SLCO1A2: variants seen among roughly 807,000 people sequenced by gnomAD.
SLCO1A2 encodes OATP-1.
SLCO1A2 carries 67 observed loss-of-function variants against 69.0 expected under a neutral mutation model. The observed-to-expected ratio is 0.97, with a 90% CI of 0.80 to 1.19. The LOEUF (loss-of-function observed/expected upper bound fraction) is 1.19, where lower values mean the gene tolerates loss of function less well. Among genes scored for constraint, SLCO1A2 ranks in the 50% most tolerant of loss-of-function variants. The pLI is 0.00. For synonymous variants in SLCO1A2, 260 were observed against 265.9 expected, an observed-to-expected ratio of 0.98 and a Z score of 0.22; for missense variants, 787 against 793.7, an observed-to-expected ratio of 0.99 and a Z score of 0.10.
At chr12:21,391,736 A>C (rs923112101) in intron 1 of SLCO1A2, among the ~76,000 whole-genome samples, 2 of 151,144 alleles carry the variant, frequency 1.3e-5, no homozygotes, top group African/African-American at 4.9e-5. Flanking sequence ...GTTGACATTC[A>C]AAAGAAAAAA....
intron 2 of SLCO1A2, chr12:21,373,140 A>G: frequency 1.7e-6 from 1 of 588,434 alleles, no homozygotes; most frequent in Non-Finnish European, 3.0e-6. Context: ...TGCTTAGAGA[A>G]GGAAATTGGG....
chr12:21,304,635 T>C, intron 5 of SLCO1A2, 62 bp from the exon 6 acceptor site: 2 of 1,429,734 alleles, frequency 1.4e-6, no homozygotes, highest in Non-Finnish European at 1.9e-6. Flanking sequence ...GTAATATTAA[T>C]TCTATGTTTT....
intron 12 of SLCO1A2, among the ~76,000 whole-genome samples, chr12:21,290,486 A>G (rs756366549): frequency 1.3e-5 from 2 of 152,200 alleles, no homozygotes; most frequent in Admixed American, 1.3e-4. Flanking sequence ...GTGGAGCAGA[A>G]TAAGGATGAA....
At chr12:21,272,258 A>G (rs1019957282) in intron 14 of SLCO1A2, among the ~76,000 whole-genome samples, 10 of 151,850 alleles carry the variant, frequency 6.6e-5, no homozygotes, top group Admixed American at 2.0e-4. Flanking sequence ...TACAGATTAT[A>G]TATGTTTATA....
intron 8 of SLCO1A2, among the ~76,000 whole-genome samples, chr12:21,298,957 T>C (rs575465539): frequency 2.0e-4 from 31 of 152,304 alleles, no homozygotes; most frequent in Non-Finnish European, 3.4e-4. Context: ...ATTGACATTG[T>C]AACTTATGGG....
intron 2 of SLCO1A2, among the ~76,000 whole-genome samples, chr12:21,346,380 C>T (rs1422445700): frequency 1.3e-5 from 2 of 152,084 alleles, no homozygotes; most frequent in African/African-American, 2.4e-5. Context: ...GAAGAGCAAA[C>T]ACGGATATAT....
chr12:21,281,653 C>G (rs1410799858), intron 12 of SLCO1A2, among the ~76,000 whole-genome samples: 3 of 151,856 alleles, frequency 2.0e-5, no homozygotes, highest in African/African-American at 7.3e-5. Context: ...ACTGATGACC[C>G]TTTAGCCAAA....
intron 4 of SLCO1A2, among the ~76,000 whole-genome samples, chr12:21,312,788 C>G (rs1183282290): frequency 6.6e-6 from 1 of 152,078 alleles, no homozygotes; most frequent in Non-Finnish European, 1.5e-5. Context: ...CATTCACCAT[C>G]TTAAGACCAG....
Position 21,292,218 on chromosome 12 carries a change from A to G in SLCO1A2, c.1556T>C (p.Met519Thr). 1 of 1,612,272 alleles carries G rather than the reference A, an allele frequency of 6.2e-7. No individual in the cohort carries two copies. The highest frequency in any genetic ancestry group is 2.2e-5 in the East Asian group (1 of 44,702). ...MLQYFLILSA[M>T]SSFIYSLAAI... is the part of the protein sequence containing the mutation. ...AGCCAAAGAATAAATGAAACTGCTC[A>G]TCGCTGACAAGATTAGGAAGTACTG... Residue 519 changes from methionine (M) to threonine (T), a missense_variant, in exon 12 of 15, where the codon ATG becomes ACG. Coordinates refer to ENST00000683939, the MANE Select transcript of SLCO1A2 (RefSeq NM_001386879.1).
At chr12:21,352,888 A>G (rs1938072736) in intron 2 of SLCO1A2, among the ~76,000 whole-genome samples, 1 of 152,210 alleles carries the variant, frequency 6.6e-6, no homozygotes. Context: ...GTCCCACTCA[A>G]TTTACATTTA....
chr12:21,367,357 G>C (rs1250024987), intron 2 of SLCO1A2, among the ~76,000 whole-genome samples: 1 of 152,112 alleles, frequency 6.6e-6, no homozygotes, highest in East Asian at 1.9e-4. Context: ...AGAATGATGG[G>C]AGTATTTCTC....
At chr12:21,354,601 C>A (rs1214429854) in intron 2 of SLCO1A2, among the ~76,000 whole-genome samples, 1 of 152,118 alleles carries the variant, frequency 6.6e-6, no homozygotes, top group Non-Finnish European at 1.5e-5. Flanking sequence ...AGTAGTTGTT[C>A]AGGACTGTCC....
intron 13 of SLCO1A2, 105 bp downstream of exon 13, chr12:21,275,255 C>CA (rs994148530): frequency 9.3e-7 from 1 of 1,071,788 alleles, no homozygotes; most frequent in African/African-American, 1.6e-5. Flanking sequence ...ACATATGTAA[C>CA]AAACCTGCAC....
intron 4 of SLCO1A2, among the ~76,000 whole-genome samples, chr12:21,313,060 T>A (rs1232350098): frequency 6.6e-6 from 1 of 152,102 alleles, no homozygotes; most frequent in Non-Finnish European, 1.5e-5. Context: ...CACCCCACCT[T>A]GGGCGTCACT....
chr12:21,350,329 C>CA (rs1232845465), intron 2 of SLCO1A2, among the ~76,000 whole-genome samples: 18 of 136,088 alleles, frequency 1.3e-4, no homozygotes, highest in Non-Finnish European at 2.2e-4. Context: ...TAGTAAAGTA[C>CA]AAAAAAAAAG....
intron 1 of SLCO1A2, among the ~76,000 whole-genome samples, chr12:21,380,340 T>A (rs1016420060): frequency 2.6e-5 from 4 of 152,164 alleles, no homozygotes; most frequent in African/African-American, 9.7e-5. Context: ...TAGCATACAA[T>A]TCCCAGGAAT....
At chr12:21,408,555 G>T (rs1016212632) in intron 1 of SLCO1A2, among the ~76,000 whole-genome samples, 1 of 152,062 alleles carries the variant, frequency 6.6e-6, no homozygotes, top group Non-Finnish European at 1.5e-5. Context: ...CCAGAAATCC[G>T]CAACTGCCCA....
At chr12:21,325,405 G>A (rs1030816627) in intron 2 of SLCO1A2, among the ~76,000 whole-genome samples, 1 of 152,100 alleles carries the variant, frequency 6.6e-6, no homozygotes, top group Non-Finnish European at 1.5e-5. Flanking sequence ...TCTGGTTTGA[G>A]GAACTTTTCT....
chr12:21,293,860 T>G, intron 11 of SLCO1A2, 85 bp downstream of exon 11: 1 of 1,123,570 alleles, frequency 8.9e-7, no homozygotes, highest in Non-Finnish European at 1.2e-6. Flanking sequence ...AAACACTAAT[T>G]TTACTTTTAT....
Sources: gnomAD v4.1 joint callset for allele counts (sites outside exome capture counted in the v4.1 genomes callset) on GRCh38, gnomAD v4.1.1 for gene constraint, MANE v1.5 for transcripts, NCBI Gene and HGNC (gene_info 2026-07-23, HGNC 2026-07-21) for gene names.